The following GALNTL6 variants were observed in gnomAD, a reference collection of about 807,000 sequenced individuals.
The protein encoded by GALNTL6 is polypeptide N-acetylgalactosaminyltransferase like 6, also known as polypeptide N-acetylgalactosaminyltransferase-like 6.
GALNTL6 carries 46 observed loss-of-function variants against 73.7 expected under a neutral mutation model. That is an observed-to-expected ratio of 0.62 (90% CI 0.49 to 0.80). The LOEUF (loss-of-function observed/expected upper bound fraction) is 0.80. Among genes scored for constraint, GALNTL6 ranks in the 30% least tolerant of loss-of-function variants. GALNTL6 has a pLI of 0.00. For synonymous variants in GALNTL6, 259 were observed against 263.7 expected, an observed-to-expected ratio of 0.98 and a Z score of 0.17; for missense variants, 604 against 755.0, an observed-to-expected ratio of 0.80 and a Z score of 2.34.
At chr4:173,022,064 AAGGAAGGAAG>A in intron 12 of GALNTL6, among the ~76,000 whole-genome samples, 1 of 135,270 alleles carries the variant, frequency 7.4e-6, no homozygotes, top group African/African-American at 2.8e-5. Flanking sequence ...GGAAGGAAGG[AAGGAAGGAAG>A]GAAGGAAGGA....
At chr4:172,049,295 A>G (rs995983) in intron 2 of GALNTL6, among the ~76,000 whole-genome samples, 148,277 of 152,226 alleles carry the variant, frequency 0.97, 72,330 homozygotes, top group Middle Eastern at 1. Context: ...TCCTTATTAG[A>G]AACTTTCCCT....
intron 2 of GALNTL6, among the ~76,000 whole-genome samples, chr4:171,881,525 G>A (rs1240565333): frequency 6.6e-6 from 1 of 152,094 alleles, no homozygotes; most frequent in Admixed American, 6.6e-5. Context: ...GGGTGGATCT[G>A]CCCTCCCCAG....
intron 12 of GALNTL6, among the ~76,000 whole-genome samples, chr4:173,031,449 C>A (rs1753455735): frequency 6.6e-6 from 1 of 152,138 alleles, no homozygotes; most frequent in Non-Finnish European, 1.5e-5. Flanking sequence ...TTCATGAGAG[C>A]AGGAATTTTT....
intron 4 of GALNTL6, among the ~76,000 whole-genome samples, chr4:172,348,169 T>TA (rs1741818554): frequency 6.6e-6 from 1 of 152,232 alleles, no homozygotes; most frequent in African/African-American, 2.4e-5. Context: ...ATCTAAACCT[T>TA]AATTATGTGC....
chr4:172,698,333 T>TC lies in GALNTL6; in HGVS notation c.554-111025dup, dbSNP rs373052140. On this transcript the variant is annotated intron_variant, in intron 5 of 12. Coordinates refer to ENST00000506823, the MANE Select transcript of GALNTL6 (RefSeq NM_001034845.3). The stretch of plus-strand genomic sequence containing the variant: ...ACAGCTAGAGACTTACTGCTTACAG[T>TC]CCCTTGACACAGGCAATATCAGTAT... Among the ~76,000 whole-genome samples, 45 of 152,220 alleles carry TC rather than the reference T, an allele frequency of 3.0e-4. No individual in the cohort carries two copies. In the East Asian group the frequency reaches 5.2e-3, roughly 18 times the overall value.
chr4:172,526,990 T>A (rs760798112), intron 5 of GALNTL6, among the ~76,000 whole-genome samples: 14 of 152,142 alleles, frequency 9.2e-5, no homozygotes, highest in Non-Finnish European at 1.5e-4. Context: ...GATGATACAG[T>A]CACTAGAGAC....
chr4:172,864,948 G>T (rs1007499908), intron 7 of GALNTL6, among the ~76,000 whole-genome samples: 4 of 152,178 alleles, frequency 2.6e-5, no homozygotes, highest in Non-Finnish European at 5.9e-5. Flanking sequence ...AATAGCCATA[G>T]AGTGTCACTG....
chr4:172,490,618 AAAT>A (rs1376886019), intron 5 of GALNTL6, among the ~76,000 whole-genome samples: 1 of 152,182 alleles, frequency 6.6e-6, no homozygotes, highest in African/African-American at 2.4e-5. Context: ...AATAACTACA[AAAT>A]AATAATATCT....
chr4:172,221,025 A>G (rs373579356), intron 2 of GALNTL6, among the ~76,000 whole-genome samples: 15 of 151,880 alleles, frequency 9.9e-5, no homozygotes, highest in African/African-American at 3.4e-4. Context: ...CTAATTTTAT[A>G]TACTCAGTTG....
At chr4:172,442,856 A>G (rs930962510) in intron 5 of GALNTL6, among the ~76,000 whole-genome samples, 6 of 152,044 alleles carry the variant, frequency 3.9e-5, no homozygotes, top group Non-Finnish European at 7.4e-5. Context: ...CGTATTTTTA[A>G]TGAGAGAAAA....
At chr4:172,813,408 C>A in intron 6 of GALNTL6, 132 bp from the exon 7 acceptor site, 2 of 600,462 alleles carry the variant, frequency 3.3e-6, no homozygotes, top group South Asian at 6.1e-5. Context: ...CTGAAAAGGG[C>A]TCTAAGGAGG....
chr4:171,969,257 G>C (rs909487785), intron 2 of GALNTL6, among the ~76,000 whole-genome samples: 2 of 152,126 alleles, frequency 1.3e-5, no homozygotes, highest in African/African-American at 4.8e-5. Flanking sequence ...ACTCTGTTTA[G>C]AGCAGTTGTC....
At chr4:172,163,507 T>G (rs1354072041) in intron 2 of GALNTL6, among the ~76,000 whole-genome samples, 2 of 152,046 alleles carry the variant, frequency 1.3e-5, no homozygotes, top group South Asian at 4.1e-4. Flanking sequence ...TAACAAAGCT[T>G]GAATTATAGT....
At chr4:172,943,491 G>A (rs1373396945) in intron 9 of GALNTL6, among the ~76,000 whole-genome samples, 1 of 152,218 alleles carries the variant, frequency 6.6e-6, no homozygotes, top group Non-Finnish European at 1.5e-5. Context: ...CCGCTCAGGT[G>A]TGAGATAGGG....
At chr4:171,950,253 G>A (rs2111029542) in intron 2 of GALNTL6, among the ~76,000 whole-genome samples, 1 of 152,054 alleles carries the variant, frequency 6.6e-6, no homozygotes, top group East Asian at 1.9e-4. Flanking sequence ...ACAGATCAAA[G>A]AAACAAGAGA....
intron 5 of GALNTL6, among the ~76,000 whole-genome samples, chr4:172,377,275 G>T (rs1743066663): frequency 6.6e-6 from 1 of 152,056 alleles, no homozygotes; most frequent in Non-Finnish European, 1.5e-5. Context: ...ACAGAGTGCT[G>T]ATTGATGCAT....
chr4:172,826,291 G>T (rs1054173565), intron 7 of GALNTL6, among the ~76,000 whole-genome samples: 2 of 152,222 alleles, frequency 1.3e-5, no homozygotes, highest in Admixed American at 1.3e-4. Context: ...ATGGAGAATT[G>T]CTCCTTAGCG....
chr4:172,460,430 G>A (rs1732569904), intron 5 of GALNTL6, among the ~76,000 whole-genome samples: 1 of 152,132 alleles, frequency 6.6e-6, no homozygotes, highest in Non-Finnish European at 1.5e-5. Flanking sequence ...AGAGTGAATA[G>A]ACAACCTACA....
intron 2 of GALNTL6, among the ~76,000 whole-genome samples, chr4:172,139,182 A>C (rs1187695293): frequency 2.0e-5 from 3 of 152,168 alleles, no homozygotes; most frequent in Non-Finnish European, 4.4e-5. Context: ...GGAAAATCAT[A>C]CTGGACCTAT....
Sources: allele counts gnomAD v4.1 joint callset (sites outside exome capture counted in the v4.1 genomes callset), GRCh38; gene constraint gnomAD v4.1.1; transcripts MANE v1.5; gene names NCBI Gene and HGNC (gene_info 2026-07-23, HGNC 2026-07-21).